The following MAP3K5 variants were observed in gnomAD, a reference collection of about 807,000 sequenced individuals.
MAP3K5 encodes mitogen-activated protein kinase kinase kinase 5, also known as ASK-1.
In MAP3K5, 56 loss-of-function variants were observed where a neutral mutation model predicts 158.7. The ratio of observed to expected loss-of-function variants is 0.35; its 90% CI spans 0.28 to 0.44. MAP3K5 has a LOEUF of 0.44. Among genes scored for constraint, MAP3K5 ranks in the 20% least tolerant of loss-of-function variants. MAP3K5 has a pLI of 1.00. For synonymous variants in MAP3K5, 579 were observed against 601.7 expected (o/e 0.96, Z 0.55); for missense variants, 1,294 against 1,674.8 (o/e 0.77, Z 3.97).
At chr6:136,571,368 C>T (rs114585363) in intron 25 of MAP3K5, among the ~76,000 whole-genome samples, 3,636 of 152,218 alleles carry the variant, frequency 0.024, 52 homozygotes, top group South Asian at 0.037. Flanking sequence ...AAGCTGTCAG[C>T]GGCAGGAGTA....
intron 9 of MAP3K5, among the ~76,000 whole-genome samples, chr6:136,658,831 T>C (rs1393711706): frequency 6.6e-6 from 1 of 152,144 alleles, no homozygotes; most frequent in Non-Finnish European, 1.5e-5. Context: ...TGAGATTAGA[T>C]CACAGAGGAA....
In MAP3K5 at chr6:136,791,711, T is replaced by C; in HGVS notation, c.447A>G (p.Ala149=). ...ETTVLDRFYN[A]DIAVVEMSDA... is the part of the protein sequence containing the mutation. ...ATGGGAAAGGGGTCACACACGCACC[T>C]GCATTGTAAAAGCGGTCCAGCACGG... The change falls in exon 1 of 30, where the codon GCA becomes GCG. Residue 149 remains alanine (A), a splice_region_variant and synonymous_variant. Transcript: ENST00000359015. 6.2e-7 allele frequency: 1 copy of C among 1,613,100 alleles called. No individual in the cohort carries two copies. Among genetic ancestry groups the C allele is most frequent in the Non-Finnish European group, 8.5e-7 (1 of 1,179,966 alleles).
At chr6:136,780,782 T>C (rs1784581853) in intron 1 of MAP3K5, among the ~76,000 whole-genome samples, 2 of 152,256 alleles carry the variant, frequency 1.3e-5, no homozygotes, top group South Asian at 4.1e-4. Context: ...TTATATACTT[T>C]CTTTATAACT....
intron 1 of MAP3K5, among the ~76,000 whole-genome samples, chr6:136,750,519 T>C (rs1783159871): frequency 6.6e-6 from 1 of 152,216 alleles, no homozygotes; most frequent in Non-Finnish European, 1.5e-5. Context: ...TCTTCAACGA[T>C]GAAGGGGTGA....
Position 136,650,994 on chromosome 6 carries a change from G to A in MAP3K5, c.1778C>T (p.Pro593Leu), listed in dbSNP as rs775054675. ...EKTISIWHVL[P>L]DDKKGIHEWN... ...AACTGCACAATTTACCTTGTCATCA[G>A]GAAGCACGTGCCAAATAGAGATTGT... The change falls in exon 11 of 30, where the codon CCT becomes CTT. Residue 593 changes from proline (P) to leucine (L), a missense_variant. Physicochemically the swap from Pro to Leu is moderately conservative, Grantham distance 98. Coordinates refer to ENST00000359015, the MANE Select transcript of MAP3K5 (RefSeq NM_005923.4). 1.2e-6 allele frequency: 2 copies of A among 1,606,826 alleles called. No individual in the cohort carries two copies.
intron 1 of MAP3K5, among the ~76,000 whole-genome samples, chr6:136,743,655 T>C (rs147456915): frequency 1.5e-3 from 234 of 152,286 alleles, no homozygotes; most frequent in African/African-American, 3.7e-3. Flanking sequence ...GTTTATACTA[T>C]TGCTATACAA....
At chr6:136,689,177 G>C (rs562097271) in intron 7 of MAP3K5, among the ~76,000 whole-genome samples, 1 of 152,162 alleles carries the variant, frequency 6.6e-6, no homozygotes, top group South Asian at 2.1e-4. Context: ...GCGTGCACCT[G>C]TTGTCCCATC....
At chr6:136,716,466 G>A (rs780981428) in intron 2 of MAP3K5, among the ~76,000 whole-genome samples, 2 of 152,108 alleles carry the variant, frequency 1.3e-5, no homozygotes, top group Non-Finnish European at 2.9e-5. Context: ...GGAAGGGAGT[G>A]GAGGAAAGGA....
At chr6:136,689,498 C>T (rs894031650) in intron 7 of MAP3K5, among the ~76,000 whole-genome samples, 4 of 152,114 alleles carry the variant, frequency 2.6e-5, no homozygotes, top group African/African-American at 9.7e-5. Flanking sequence ...AATGTTTCTC[C>T]CCAAAAGCAT....
chr6:136,787,103 C>T (rs977536730), intron 1 of MAP3K5, among the ~76,000 whole-genome samples: 1 of 152,136 alleles, frequency 6.6e-6, no homozygotes, highest in African/African-American at 2.4e-5. Flanking sequence ...TGGCTCACAC[C>T]TGTAATCCCA....
intron 10 of MAP3K5, 118 bp from the exon 11 acceptor site, chr6:136,651,209 C>G: frequency 5.4e-6 from 3 of 553,788 alleles, no homozygotes. Context: ...TGAATCTGTT[C>G]CTGGAGTAAA....
chr6:136,778,932 G>C (rs1784501443), intron 1 of MAP3K5, among the ~76,000 whole-genome samples: 1 of 152,222 alleles, frequency 6.6e-6, no homozygotes, highest in Admixed American at 6.5e-5. Context: ...TTGGGGGACA[G>C]ATGCGGGAGG....
At chr6:136,669,886 T>G (rs201387100) in intron 7 of MAP3K5, among the ~76,000 whole-genome samples, 16 of 90,968 alleles carry the variant, frequency 1.8e-4, no homozygotes, top group East Asian at 1.5e-3. Flanking sequence ...TCATTCAGGG[T>G]GTGTGTGTGT....
At chr6:136,631,463 C>T (rs1376902227) in intron 14 of MAP3K5, among the ~76,000 whole-genome samples, 1 of 151,928 alleles carries the variant, frequency 6.6e-6, no homozygotes, top group Non-Finnish European at 1.5e-5. Context: ...ACAGTAAGGT[C>T]TTCCATCTTC....
chr6:136,695,725 G>A (rs999923485), intron 6 of MAP3K5, among the ~76,000 whole-genome samples: 1 of 151,946 alleles, frequency 6.6e-6, no homozygotes, highest in Non-Finnish European at 1.5e-5. Flanking sequence ...AAACCTGTAA[G>A]AATTTAAATA....
At chr6:136,724,248 C>CTT (rs1213577934) in intron 1 of MAP3K5, among the ~76,000 whole-genome samples, 13 of 134,654 alleles carry the variant, frequency 9.7e-5, no homozygotes, top group African/African-American at 2.5e-4. Flanking sequence ...GAGAAACTGA[C>CTT]TTTTTTTTTT....
chr6:136,747,437 A>T (rs1783009926), intron 1 of MAP3K5, among the ~76,000 whole-genome samples: 1 of 152,212 alleles, frequency 6.6e-6, no homozygotes, highest in African/African-American at 2.4e-5. Flanking sequence ...AATGCCCATT[A>T]AAAGAATTTT....
chr6:136,786,328 G>C (rs1455196775), intron 1 of MAP3K5, among the ~76,000 whole-genome samples: 3 of 144,138 alleles, frequency 2.1e-5, no homozygotes, highest in Non-Finnish European at 4.5e-5. Flanking sequence ...GCAGTGAGCC[G>C]AGATCGAGCC....
chr6:136,591,925 G>A (rs943296421), intron 23 of MAP3K5, among the ~76,000 whole-genome samples: 3 of 152,174 alleles, frequency 2.0e-5, no homozygotes, highest in East Asian at 1.9e-4. Flanking sequence ...TCACCAATGT[G>A]AAAAATTTGC....
Sources: gnomAD v4.1 joint callset for allele counts (sites outside exome capture counted in the v4.1 genomes callset) on GRCh38, gnomAD v4.1.1 for gene constraint, MANE v1.5 for transcripts, NCBI Gene and HGNC (gene_info 2026-07-23, HGNC 2026-07-21) for gene names.